The following ISY1 variants were observed in gnomAD, a reference collection of about 807,000 sequenced individuals.
The protein encoded by ISY1 is ISY1 spliceosome associated protein, also known as pre-mRNA-splicing factor ISY1 homolog.
In ISY1, 12 loss-of-function variants were observed where a neutral mutation model predicts 54.4. The observed-to-expected ratio is 0.22, with a 90% CI of 0.14 to 0.36. The LOEUF (loss-of-function observed/expected upper bound fraction) is 0.36. Among genes scored for constraint, ISY1 ranks in the 10% least tolerant of loss-of-function variants. The pLI is 1.00. For synonymous variants in ISY1, 96 were observed against 117.9 expected, an observed-to-expected ratio of 0.81 and a Z score of 1.20; for missense variants, 282 against 342.2, an observed-to-expected ratio of 0.82 and a Z score of 1.39.
At chr3:129,149,610 AATATAT>A (rs1199049568) in intron 5 of ISY1, among the ~76,000 whole-genome samples, 23 of 24,626 alleles carry the variant, frequency 9.3e-4, no homozygotes, top group African/African-American at 1.5e-3. Context: ...AAAAAAAAAA[AATATAT>A]ATATATATAT....
chr3:129,136,367 G>A (rs745399196), intron 7 of ISY1, among the ~76,000 whole-genome samples: 1 of 152,126 alleles, frequency 6.6e-6, no homozygotes, highest in African/African-American at 2.4e-5. Flanking sequence ...TTCCCAAAGT[G>A]CTAAGATTAT....
At chr3:129,133,117 T>C (rs1250137331) in intron 9 of ISY1, among the ~76,000 whole-genome samples, 1 of 152,206 alleles carries the variant, frequency 6.6e-6, no homozygotes, top group Non-Finnish European at 1.5e-5. Flanking sequence ...ATTTCAAATG[T>C]TGAATTTTCC....
intron 9 of ISY1, among the ~76,000 whole-genome samples, chr3:129,132,703 T>C (rs1936270240): frequency 6.6e-6 from 1 of 152,226 alleles, no homozygotes; most frequent in African/African-American, 2.4e-5. Flanking sequence ...TCCAAGCCTC[T>C]GTACCACCAT....
Position 129,129,734 on chromosome 3 carries a change from C to T in ISY1, c.*347G>A, listed in dbSNP as rs928206118. On this transcript the variant is annotated 3_prime_UTR_variant, in exon 11 of 11. Coordinates refer to ENST00000393295, the MANE Select transcript of ISY1 (RefSeq NM_020701.4). ...AAAATTTGCATTTTTTAAAATTATA[C>T]TTTGGTCTGCAAAAAATTGCATTTT... 13 of 184,390 alleles carry T rather than the reference C, an allele frequency of 7.1e-5. No individual in the cohort carries two copies. The highest frequency in any genetic ancestry group is 4.3e-4 in the Admixed American group (7 of 16,202). The allele number at this position is 184,390 out of a possible 1,614,324, so 11.4% of individuals were successfully genotyped here.
chr3:129,161,010 G>T lies in ISY1; in HGVS notation c.-35C>A. On this transcript the variant is annotated 5_prime_UTR_variant, in exon 1 of 11. Coordinates refer to ENST00000393295, the MANE Select transcript of ISY1 (RefSeq NM_020701.4). ...AAGGGCGCCGTCCTGGAGCCCCGCGGCCCCTGTCCAAGAAACTCCACAGGC... is the reference window on the plus strand; with the variant it reads ...AAGGGCGCCGTCCTGGAGCCCCGCGTCCCCTGTCCAAGAAACTCCACAGGC... 1 of 1,514,996 alleles carries T rather than the reference G, an allele frequency of 6.6e-7. No individual in the cohort carries two copies. The highest frequency in any genetic ancestry group is 8.9e-7 in the Non-Finnish European group (1 of 1,124,770). The allele number at this position is 1,514,996 out of a possible 1,614,324, so 93.8% of individuals were successfully genotyped here. A position where few individuals can be genotyped will look rare whatever the true frequency, so the allele number is the denominator to read the frequency against.
At chr3:129,159,607 G>A (rs138607057) in intron 1 of ISY1, among the ~76,000 whole-genome samples, 238 of 152,298 alleles carry the variant, frequency 1.6e-3, no homozygotes, top group African/African-American at 5.5e-3. Context: ...ACTGCCTTTC[G>A]TAAAGTTTTA....
chr3:129,145,601 G>A (rs757202800), intron 6 of ISY1, among the ~76,000 whole-genome samples, 160 bp downstream of exon 6: 3 of 152,164 alleles, frequency 2.0e-5, no homozygotes, highest in Non-Finnish European at 2.9e-5. Flanking sequence ...CAGATGCCCC[G>A]TCTGCTGTGA....
At chr3:129,158,334 T>G (rs1937206251) in intron 3 of ISY1, among the ~76,000 whole-genome samples, 174 bp downstream of exon 3, 1 of 151,946 alleles carries the variant, frequency 6.6e-6, no homozygotes, top group African/African-American at 2.4e-5. Context: ...AATCTTTGTA[T>G]TTTTTGTAAA....
chr3:129,150,482 C>T (rs796578997), intron 5 of ISY1, among the ~76,000 whole-genome samples: 10 of 152,186 alleles, frequency 6.6e-5, no homozygotes, highest in African/African-American at 2.4e-4. Flanking sequence ...GAGGCCAAGG[C>T]GGGTGGATCA....
At chr3:129,159,125 T>C (rs780766578) in intron 2 of ISY1, 29 bp downstream of exon 2, 5 of 1,603,256 alleles carry the variant, frequency 3.1e-6, no homozygotes, top group Non-Finnish European at 4.2e-6. Flanking sequence ...TTACAAAAAA[T>C]TTACAGCCAA....
rs1392913346 is a variant in ISY1 at position 129,128,339 on chromosome 3, G to A, written c.*1742C>T. 6.6e-6 allele frequency: 1 copy of A among 151,940 alleles called. No homozygotes were observed. Among genetic ancestry groups the A allele is most frequent in the African/African-American group, 2.4e-5 (1 of 41,310 alleles). The allele number at this position is 151,940 out of a possible 1,614,324, so 9.4% of individuals were successfully genotyped here. The stretch of plus-strand genomic sequence containing the variant: ...CTGGGATTGGCCAGCCCAGCCCTCA[G>A]GGAAGCCAGGAGGCAGGGGGGCCCC... On this transcript the variant is annotated 3_prime_UTR_variant, in exon 11 of 11. Coordinates refer to ENST00000393295, the MANE Select transcript of ISY1 (RefSeq NM_020701.4).
At chr3:129,157,814 G>A (rs943145027) in intron 3 of ISY1, among the ~76,000 whole-genome samples, 1 of 151,766 alleles carries the variant, frequency 6.6e-6, no homozygotes, top group African/African-American at 2.4e-5. Flanking sequence ...CCTCAGCTAT[G>A]GGGAGGTATT....
At chr3:129,160,918 G>GGCCCCCCCC in intron 1 of ISY1, 55 bp downstream of exon 1, 1 of 666,128 alleles carries the variant, frequency 1.5e-6, no homozygotes, top group Non-Finnish European at 2.7e-6. Flanking sequence ...TGGACTGGGC[G>GGCCCCCCCC]CCCCCCCGCC....
rs1393957415 is a variant in ISY1 at position 129,129,343 on chromosome 3, C to A, written c.*738G>T. On this transcript the variant is annotated 3_prime_UTR_variant, in exon 11 of 11. Coordinates refer to ENST00000393295, the MANE Select transcript of ISY1 (RefSeq NM_020701.4). ...CAGAGCAGCAACCAACACAGAGGGACCTGGTCATTGACTTGTGGGTTGCGT... is the reference window on the plus strand; with the variant it reads ...CAGAGCAGCAACCAACACAGAGGGAACTGGTCATTGACTTGTGGGTTGCGT... 1 of 151,554 alleles carries A rather than the reference C, an allele frequency of 6.6e-6. No individual in the cohort carries two copies. The highest frequency in any genetic ancestry group is 2.4e-5 in the African/African-American group (1 of 41,232). The allele number at this position is 151,554 out of a possible 1,614,324, so 9.4% of individuals were successfully genotyped here.
chr3:129,132,920 A>C (rs1936277153), intron 9 of ISY1, among the ~76,000 whole-genome samples: 1 of 152,202 alleles, frequency 6.6e-6, no homozygotes, highest in Admixed American at 6.5e-5. Flanking sequence ...TAAGTCACTA[A>C]ACCTGAGCCT....
At chr3:129,143,705 C>A (rs1377007261) in intron 6 of ISY1, among the ~76,000 whole-genome samples, 1 of 150,626 alleles carries the variant, frequency 6.6e-6, no homozygotes, top group Non-Finnish European at 1.5e-5. Context: ...TTTCTCTGCA[C>A]AAAAATATGT....
chr3:129,144,224 T>C (rs1560018205), intron 6 of ISY1: 1 of 358,680 alleles, frequency 2.8e-6, no homozygotes, highest in Non-Finnish European at 5.5e-6. Context: ...GATTGGCATA[T>C]AAAAATAAAA....
intron 6 of ISY1, among the ~76,000 whole-genome samples, chr3:129,144,695 T>A (rs930367585): frequency 6.6e-6 from 1 of 152,142 alleles, no homozygotes; most frequent in Non-Finnish European, 1.5e-5. Context: ...TTTCAGCACC[T>A]TTGTGTGCTG....
chr3:129,134,055 AG>A lies in ISY1; in HGVS notation c.663+18del. 6.2e-7 allele frequency: 1 copy of A among 1,613,690 alleles called. No homozygotes were observed. Among genetic ancestry groups the A allele is most frequent in the Non-Finnish European group, 8.5e-7 (1 of 1,179,918 alleles). On this transcript the variant is annotated intron_variant, in intron 9 of 10. Coordinates refer to ENST00000393295, the MANE Select transcript of ISY1 (RefSeq NM_020701.4). ...TGGAACAGATGGCAGTGAGTGCCAG[AG>A]GGGGCCAACCCCAATACCTCCTCCT...
Sources: gnomAD v4.1 joint callset for allele counts (sites outside exome capture counted in the v4.1 genomes callset) on GRCh38, gnomAD v4.1.1 for gene constraint, MANE v1.5 for transcripts, NCBI Gene and HGNC (gene_info 2026-07-23, HGNC 2026-07-21) for gene names.